Variants in MEIS2 observed in about 807,000 individuals in gnomAD.
The protein encoded by MEIS2 is Meis homeobox 2.
In MEIS2, 9 loss-of-function variants were observed where a neutral mutation model predicts 58.6. The observed-to-expected ratio is 0.15, with a 90% CI of 0.09 to 0.27. The LOEUF (loss-of-function observed/expected upper bound fraction) is 0.27, where lower values mean the gene tolerates loss of function less well. Among genes scored for constraint, MEIS2 ranks in the 10% least tolerant of loss-of-function variants. The pLI is 1.00. For missense variants in MEIS2, 427 were observed against 635.0 expected (o/e 0.67, Z 3.52); for synonymous variants, 221 against 228.4 (o/e 0.97, Z 0.29).
chr15:36,946,008 G>A (rs1426604234), intron 9 of MEIS2, among the ~76,000 whole-genome samples: 3 of 151,870 alleles, frequency 2.0e-5, no homozygotes, highest in Non-Finnish European at 4.4e-5. Context: ...TAAAAGTACA[G>A]TATTCCTTCC....
chr15:36,891,707 T>A lies in MEIS2; in HGVS notation c.*466A>T, dbSNP rs1466504779. 1 of 161,572 alleles carries A rather than the reference T, an allele frequency of 6.2e-6. No individual in the cohort carries two copies. The highest frequency in any genetic ancestry group is 1.9e-4 in the East Asian group (1 of 5,284). The allele number at this position is 161,572 out of a possible 1,614,324, so 10.0% of individuals were successfully genotyped here. On this transcript the variant is annotated 3_prime_UTR_variant, in exon 12 of 12. Coordinates refer to ENST00000561208, the MANE Select transcript of MEIS2 (RefSeq NM_170675.5). ...AGTTCATCATGATCTCCAGTGTGGT[T>A]CTTTTCTCATTGGCCCAACAGGTTT...
chr15:37,028,605 T>C (rs2061793487), intron 8 of MEIS2, among the ~76,000 whole-genome samples: 1 of 152,210 alleles, frequency 6.6e-6, no homozygotes, highest in Non-Finnish European at 1.5e-5. Flanking sequence ...TTGACTTATG[T>C]CCTCTATTCT....
At position 36,891,747 on chromosome 15, in the gene MEIS2, A is replaced by G. The variant is rs72708659; in HGVS notation, c.*426T>C. ...CCAACAGGTTTAAAATATATACCAC[A>G]GTCTCTCCTGGATGGTGAATTCACT... On this transcript the variant is annotated 3_prime_UTR_variant, in exon 12 of 12. Coordinates refer to ENST00000561208, the MANE Select transcript of MEIS2 (RefSeq NM_170675.5). 2.4e-3 allele frequency: 433 copies of G among 177,176 alleles called. 1 individual carries two copies. The highest frequency in any genetic ancestry group is 4.4e-3 in the Non-Finnish European group (364 of 82,978). The allele number at this position is 177,176 out of a possible 1,614,324, so 11.0% of individuals were successfully genotyped here. A position where few individuals can be genotyped will look rare whatever the true frequency, so the allele number is the denominator to read the frequency against.
chr15:37,094,306 G>T (rs1464284), intron 5 of MEIS2, among the ~76,000 whole-genome samples: 85,320 of 151,784 alleles, frequency 0.56, 24,121 homozygotes, highest in South Asian at 0.63. Flanking sequence ...TGCCTGAGGG[G>T]AATATTGGGG....
chr15:37,044,421 G>A (rs1193933814), intron 7 of MEIS2, among the ~76,000 whole-genome samples: 3 of 152,090 alleles, frequency 2.0e-5, no homozygotes, highest in Non-Finnish European at 2.9e-5. Context: ...TATCCAATAT[G>A]AGCCTACCCT....
intron 8 of MEIS2, among the ~76,000 whole-genome samples, chr15:37,026,727 G>C (rs2061719517): frequency 6.6e-6 from 1 of 152,052 alleles, no homozygotes; most frequent in African/African-American, 2.4e-5. Flanking sequence ...TTCATTTCTT[G>C]TCATCGCAGA....
chr15:37,087,778 A>G (rs1353712834), intron 6 of MEIS2, among the ~76,000 whole-genome samples: 1 of 151,876 alleles, frequency 6.6e-6, no homozygotes, highest in African/African-American at 2.4e-5. Flanking sequence ...TGAGGGACCT[A>G]CCTATAAGAG....
chr15:36,991,783 CTTTTTTTTTTTTTT>C (rs11285545), intron 8 of MEIS2, among the ~76,000 whole-genome samples: 6 of 51,042 alleles, frequency 1.2e-4, no homozygotes, highest in African/African-American at 4.6e-4. Context: ...TTTTTTTTTT[CTTTTTTTTTTTTTT>C]TTTTTTTTGA....
intron 1 of MEIS2, chr15:37,099,234 G>A: frequency 7.0e-7 from 1 of 1,431,906 alleles, no homozygotes; most frequent in South Asian, 1.5e-5. Context: ...GCTGGAACAC[G>A]CGCGCCCAGA....
chr15:36,991,783 C>CTTTT (rs11285545), intron 8 of MEIS2, among the ~76,000 whole-genome samples: 52 of 51,042 alleles, frequency 1.0e-3, no homozygotes, highest in African/African-American at 1.4e-3. Context: ...TTTTTTTTTT[C>CTTTT]TTTTTTTTTT....
At chr15:37,036,720 G>A in intron 8 of MEIS2, 94 bp downstream of exon 8, 14 of 1,336,978 alleles carry the variant, frequency 1.0e-5, no homozygotes, top group Non-Finnish European at 1.4e-5. Flanking sequence ...AAGAAAATAG[G>A]CACCTTAGTT....
chr15:36,901,911 C>T (rs1253917615), intron 9 of MEIS2, among the ~76,000 whole-genome samples: 1 of 152,210 alleles, frequency 6.6e-6, no homozygotes. Context: ...TTTGAGCATG[C>T]CCTTCTCCAT....
chr15:36,890,908 T>G lies in MEIS2; in HGVS notation c.*1265A>C, dbSNP rs993379691. On this transcript the variant is annotated 3_prime_UTR_variant, in exon 12 of 12. Transcript: ENST00000561208. ...AGGCTATAGATGATTACCTTAAAAA[T>G]TATTGATGAGTTTAAAATATACTCA... The G allele has an allele frequency of 4.6e-5, 7 of 152,330 alleles. No individual in the cohort carries two copies. The highest frequency in any genetic ancestry group is 1.0e-4 in the Non-Finnish European group (7 of 68,034). 9.4% of individuals were successfully genotyped at this position (152,330 alleles called of 1,614,324 possible).
At chr15:36,918,298 T>C (rs535585320) in intron 9 of MEIS2, among the ~76,000 whole-genome samples, 1 of 152,342 alleles carries the variant, frequency 6.6e-6, no homozygotes, top group South Asian at 2.1e-4. Context: ...TCTGGCTATA[T>C]CTCTTACTGA....
At chr15:36,964,407 A>G (rs1391865632) in intron 8 of MEIS2, among the ~76,000 whole-genome samples, 3 of 152,246 alleles carry the variant, frequency 2.0e-5, no homozygotes, top group Non-Finnish European at 4.4e-5. Context: ...GCACAAGGAA[A>G]GCAAGGGAAA....
At chr15:36,999,122 A>G (rs2060634610) in intron 8 of MEIS2, among the ~76,000 whole-genome samples, 1 of 152,214 alleles carries the variant, frequency 6.6e-6, no homozygotes, top group Non-Finnish European at 1.5e-5. Flanking sequence ...CTCAGGTGCT[A>G]GCAATCTCTT....
chr15:36,955,503 A>T (rs763399070), intron 8 of MEIS2, among the ~76,000 whole-genome samples: 1 of 152,226 alleles, frequency 6.6e-6, no homozygotes, highest in African/African-American at 2.4e-5. Flanking sequence ...TACTTTAAAC[A>T]AGACTGTGCT....
chr15:37,077,697 A>G (rs1267838866), intron 7 of MEIS2, among the ~76,000 whole-genome samples: 6 of 152,048 alleles, frequency 3.9e-5, no homozygotes, highest in Non-Finnish European at 8.8e-5. Context: ...TTTGTGGACC[A>G]TCTGAATTCT....
At chr15:36,973,827 A>G (rs188373770) in intron 8 of MEIS2, among the ~76,000 whole-genome samples, 1 of 152,290 alleles carries the variant, frequency 6.6e-6, no homozygotes, top group East Asian at 1.9e-4. Context: ...CCAGTATTCC[A>G]CTTGAAATGT....
Sources: gnomAD v4.1 joint callset for allele counts (sites outside exome capture counted in the v4.1 genomes callset) on GRCh38, gnomAD v4.1.1 for gene constraint, MANE v1.5 for transcripts, NCBI Gene and HGNC (gene_info 2026-07-23, HGNC 2026-07-21) for gene names.